The following DPP10 variants were observed in gnomAD, a reference collection of about 807,000 sequenced individuals.
DPP10 encodes dipeptidyl peptidase like 10, also known as inactive dipeptidyl peptidase 10.
A neutral mutation model predicts 120.9 loss-of-function variants in DPP10; 33 were observed. The observed-to-expected ratio is 0.27, with a 90% confidence interval of 0.21 to 0.37. The LOEUF is 0.37. DPP10 is among the 10% of genes least tolerant of loss of function. The pLI is 1.00. For missense variants in DPP10, 816 were observed against 942.8 expected, an observed-to-expected ratio of 0.87 and a Z score of 1.76; for synonymous variants, 337 against 326.1, an observed-to-expected ratio of 1.03 and a Z score of -0.36.
At chr2:114,971,329 G>A (rs1346896576) in intron 1 of DPP10, among the ~76,000 whole-genome samples, 1 of 151,918 alleles carries the variant, frequency 6.6e-6, no homozygotes, top group Admixed American at 6.6e-5. Flanking sequence ...CTCTTGTCTT[G>A]GCAAATAGGT....
chr2:115,234,979 G>T (rs1215314022), intron 1 of DPP10, among the ~76,000 whole-genome samples: 1 of 152,066 alleles, frequency 6.6e-6, no homozygotes, highest in Non-Finnish European at 1.5e-5. Context: ...TGATCTCTCT[G>T]GGATAAGAAC....
rs60383113 is a variant in DPP10 at position 114,937,458 on chromosome 2, C to T, written c.61-371781C>T. Reference sequence around the variant, plus strand: ...GATGTGAAGGAGCAGGAAAGATCTGCAGGACTGTCATCAGGGCCAGACTCG... The same window carrying T: ...GATGTGAAGGAGCAGGAAAGATCTGTAGGACTGTCATCAGGGCCAGACTCG... On this transcript the variant is annotated intron_variant, in intron 1 of 25. Coordinates refer to ENST00000410059, the MANE Select transcript of DPP10 (RefSeq NM_020868.6). Among the ~76,000 whole-genome samples the T allele has an allele frequency of 5.6e-3, 855 of 152,276 alleles. 10 individuals carry two copies. The highest frequency in any genetic ancestry group is 0.02 in the African/African-American group (827 of 41,552).
chr2:115,823,349 C>T (rs1687996738), intron 21 of DPP10, among the ~76,000 whole-genome samples: 2 of 152,114 alleles, frequency 1.3e-5, no homozygotes, highest in South Asian at 2.1e-4. Context: ...TCAGTACAAG[C>T]TCATAACAGG....
chr2:114,600,129 A>G (rs1479718468), intron 1 of DPP10, among the ~76,000 whole-genome samples: 1 of 151,536 alleles, frequency 6.6e-6, no homozygotes, highest in African/African-American at 2.4e-5. Context: ...TTCTCTGCCA[A>G]TCTCTTTGTC....
At chr2:115,786,904 A>T (rs540317351) in intron 17 of DPP10, among the ~76,000 whole-genome samples, 1 of 152,184 alleles carries the variant, frequency 6.6e-6, no homozygotes, top group Non-Finnish European at 1.5e-5. Flanking sequence ...GAAAATACCT[A>T]GCTGAGTATG....
intron 1 of DPP10, among the ~76,000 whole-genome samples, chr2:115,005,945 A>T (rs992184214): frequency 6.6e-6 from 1 of 152,166 alleles, no homozygotes; most frequent in Non-Finnish European, 1.5e-5. Flanking sequence ...ATGAAGGAAA[A>T]AATGTTAAGG....
intron 1 of DPP10, among the ~76,000 whole-genome samples, chr2:114,860,703 G>A (rs1404996172): frequency 6.6e-6 from 1 of 152,148 alleles, no homozygotes; most frequent in Non-Finnish European, 1.5e-5. Flanking sequence ...GTGATATTTA[G>A]TGACAAAATT....
At chr2:114,786,148 G>T (rs1333577714) in intron 1 of DPP10, among the ~76,000 whole-genome samples, 1 of 152,150 alleles carries the variant, frequency 6.6e-6, no homozygotes, top group Non-Finnish European at 1.5e-5. Flanking sequence ...ATAGAGCAGA[G>T]TCTCTCAGCT....
intron 3 of DPP10, among the ~76,000 whole-genome samples, chr2:115,483,433 G>GTCTA (rs1212176903): frequency 5.0e-5 from 7 of 140,590 alleles, no homozygotes; most frequent in African/African-American, 1.8e-4. Flanking sequence ...ATGTCTATCT[G>GTCTA]TCTGTCTATC....
chr2:114,995,739 C>G lies in DPP10; in HGVS notation c.61-313500C>G, dbSNP rs149412838. ...AAACATCATCAGTGTTCTTGTTTTA[C>G]TCGTCTTTTAGTAAACACATTAGGT... On this transcript the variant is annotated intron_variant, in intron 1 of 25. Transcript: ENST00000410059. 3.1e-3 allele frequency among the ~76,000 whole-genome samples: 466 copies of G among 152,264 alleles called. 3 individuals carry two copies. The highest frequency in any genetic ancestry group is 0.011 in the African/African-American group (438 of 41,546).
In DPP10 at chr2:115,845,161, CTTGGACTGAA is replaced by C. The variant is rs1690515415; in HGVS notation, c.*2820_*2829del. On this transcript the variant is annotated 3_prime_UTR_variant, in exon 26 of 26. Transcript: ENST00000410059. ...ATGTTGGGCTTGGAGACAGAAGTACCTTGGACTGAATTGCTTTCAAGTCTCTAGAATCACT... is the reference window on the plus strand; with the variant it reads ...ATGTTGGGCTTGGAGACAGAAGTACCTTGCTTTCAAGTCTCTAGAATCACT... 1.3e-5 allele frequency: 2 copies of C among 152,138 alleles called. No homozygotes were observed. Among genetic ancestry groups the C allele is most frequent in the African/African-American group, 4.8e-5 (2 of 41,410 alleles). 9.4% of individuals were successfully genotyped at this position (152,138 alleles called of 1,614,324 possible). A position where few individuals can be genotyped will look rare whatever the true frequency, so the allele number is the denominator to read the frequency against.
At chr2:115,239,972 T>G (rs2058194553) in intron 1 of DPP10, among the ~76,000 whole-genome samples, 1 of 152,228 alleles carries the variant, frequency 6.6e-6, no homozygotes. Context: ...ATGGTGAATA[T>G]GTGCCACAGT....
intron 1 of DPP10, among the ~76,000 whole-genome samples, chr2:114,540,454 T>A (rs1686864147): frequency 6.6e-6 from 1 of 152,222 alleles, no homozygotes. Flanking sequence ...AGTTAGCAGA[T>A]ACTCATTAAA....
intron 1 of DPP10, among the ~76,000 whole-genome samples, chr2:114,890,838 A>G (rs570760516): frequency 2.0e-5 from 3 of 152,288 alleles, no homozygotes; most frequent in South Asian, 4.1e-4. Context: ...GTCGCTCTAC[A>G]TAGGAAAACA....
intron 1 of DPP10, among the ~76,000 whole-genome samples, chr2:114,891,604 T>C (rs756399051): frequency 6.6e-6 from 1 of 152,212 alleles, no homozygotes; most frequent in Non-Finnish European, 1.5e-5. Flanking sequence ...TTCCTCATAA[T>C]TGTGCCCATG....
At chr2:115,551,432 T>G (rs2149004725) in intron 5 of DPP10, among the ~76,000 whole-genome samples, 1 of 152,278 alleles carries the variant, frequency 6.6e-6, no homozygotes, top group South Asian at 2.1e-4. Context: ...TGGCTGTGGA[T>G]ACAGCTGTGG....
intron 7 of DPP10, among the ~76,000 whole-genome samples, chr2:115,725,433 TTC>T (rs1346244823): frequency 6.6e-6 from 1 of 152,204 alleles, no homozygotes; most frequent in Non-Finnish European, 1.5e-5. Context: ...CTTATGGACA[TTC>T]TCTCATATTA....
chr2:114,984,189 G>A (rs1421052150), intron 1 of DPP10, among the ~76,000 whole-genome samples: 2 of 152,134 alleles, frequency 1.3e-5, no homozygotes, highest in Non-Finnish European at 2.9e-5. Flanking sequence ...ACAAGTGATA[G>A]ACTATAAAGA....
chr2:114,494,975 G>A (rs888845635), intron 1 of DPP10, among the ~76,000 whole-genome samples: 6 of 152,032 alleles, frequency 3.9e-5, no homozygotes, highest in Non-Finnish European at 7.4e-5. Context: ...TTTGTGTGGA[G>A]AAGTTTTCTA....
Sources: allele counts gnomAD v4.1 joint callset (sites outside exome capture counted in the v4.1 genomes callset), GRCh38; gene constraint gnomAD v4.1.1; transcripts MANE v1.5; gene names NCBI Gene and HGNC (gene_info 2026-07-23, HGNC 2026-07-21).